OPCML: variants seen among roughly 807,000 people sequenced by gnomAD.
OPCML encodes opioid-binding protein/cell adhesion molecule.
In OPCML, 13 loss-of-function variants were observed where a neutral mutation model predicts 37.8. The observed-to-expected ratio is 0.34, with a 90% CI of 0.22 to 0.55. The LOEUF (loss-of-function observed/expected upper bound fraction) is 0.55. Among genes scored for constraint, OPCML ranks in the 20% least tolerant of loss-of-function variants. The pLI is 0.91. For synonymous variants in OPCML, 176 were observed against 168.8 expected (o/e 1.04, Z -0.33); for missense variants, 341 against 435.6 (o/e 0.78, Z 1.93).
At chr11:133,000,319 G>A (rs888097271) in intron 1 of OPCML, among the ~76,000 whole-genome samples, 4 of 152,084 alleles carry the variant, frequency 2.6e-5, no homozygotes, top group African/African-American at 9.7e-5. Flanking sequence ...TTCCATGTTG[G>A]CCAGGCTGAT....
rs536896710 is a variant in OPCML at position 132,618,071 on chromosome 11, G to T, written c.379+39016C>A. Among the ~76,000 whole-genome samples, 15 of 152,278 alleles carry T rather than the reference G, an allele frequency of 9.9e-5. No individual in the cohort carries two copies. In the East Asian group the frequency reaches 2.3e-3, roughly 24 times the overall value. ...AGTTGTTGGGGATGTGGGAGGGGGC[G>T]AAGAGCTAGGTTATATGCAGTTATT... On this transcript the variant is annotated intron_variant, in intron 3 of 7. Transcript: ENST00000524381.
At chr11:133,397,223 G>C (rs770879125) in intron 1 of OPCML, among the ~76,000 whole-genome samples, 9 of 152,228 alleles carry the variant, frequency 5.9e-5, no homozygotes, top group Non-Finnish European at 1.0e-4. Context: ...TCTTCCAAGA[G>C]AATGGTCTAT....
At chr11:132,857,809 T>C (rs1942119606) in intron 2 of OPCML, among the ~76,000 whole-genome samples, 1 of 152,224 alleles carries the variant, frequency 6.6e-6, no homozygotes. Flanking sequence ...AGTTTTAGTT[T>C]GTCATGTGGA....
chr11:133,080,329 A>C (rs554123909), intron 1 of OPCML, among the ~76,000 whole-genome samples: 161 of 152,234 alleles, frequency 1.1e-3, no homozygotes, highest in Admixed American at 3.8e-3. Flanking sequence ...TTTGATTTTC[A>C]ACAAGCTCTC....
At chr11:133,040,294 C>A (rs934423780) in intron 1 of OPCML, among the ~76,000 whole-genome samples, 5 of 152,142 alleles carry the variant, frequency 3.3e-5, no homozygotes, top group Non-Finnish European at 7.4e-5. Context: ...TTCTCAAGCT[C>A]ACTCCTAACA....
At chr11:132,612,612 GA>G (rs144371809) in intron 3 of OPCML, among the ~76,000 whole-genome samples, 160 of 152,126 alleles carry the variant, frequency 1.1e-3, no homozygotes, top group African/African-American at 3.8e-3. Context: ...ATGCTAGCAA[GA>G]AAAAAATGGG....
At chr11:132,678,204 C>T (rs186318980) in intron 2 of OPCML, among the ~76,000 whole-genome samples, 1 of 152,290 alleles carries the variant, frequency 6.6e-6, no homozygotes, top group African/African-American at 2.4e-5. Context: ...TACCACTACA[C>T]ACCTATTAAC....
intron 3 of OPCML, among the ~76,000 whole-genome samples, chr11:132,642,331 T>G (rs1940896720): frequency 6.6e-6 from 1 of 152,320 alleles, no homozygotes; most frequent in African/African-American, 2.4e-5. Context: ...ATCTTGAACA[T>G]GAGATTATAA....
chr11:132,686,705 T>C (rs951762336), intron 2 of OPCML, among the ~76,000 whole-genome samples: 2 of 152,210 alleles, frequency 1.3e-5, no homozygotes, highest in African/African-American at 2.4e-5. Flanking sequence ...AGCTGTCCAT[T>C]GACCCTAGGT....
intron 1 of OPCML, among the ~76,000 whole-genome samples, chr11:133,064,337 G>A (rs1380825153): frequency 6.6e-6 from 1 of 152,236 alleles, no homozygotes; most frequent in African/African-American, 2.4e-5. Context: ...ACCGCAACCC[G>A]CCTGGCCGCC....
At chr11:133,376,323 C>G (rs1944803266) in intron 1 of OPCML, among the ~76,000 whole-genome samples, 1 of 152,010 alleles carries the variant, frequency 6.6e-6, no homozygotes, top group Non-Finnish European at 1.5e-5. Context: ...TTTACACAAA[C>G]ATGATAGCAA....
At chr11:132,723,009 G>C (rs571562069) in intron 2 of OPCML, among the ~76,000 whole-genome samples, 1 of 152,312 alleles carries the variant, frequency 6.6e-6, no homozygotes, top group South Asian at 2.1e-4. Flanking sequence ...ATATTCTGGA[G>C]CTGCCTCTGC....
chr11:133,506,330 C>A (rs561361036), intron 1 of OPCML, among the ~76,000 whole-genome samples: 3 of 152,194 alleles, frequency 2.0e-5, no homozygotes, highest in Non-Finnish European at 4.4e-5. Context: ...CTCCCCAGAG[C>A]CCTGAGAGGG....
chr11:133,191,190 A>G (rs1386007150), intron 1 of OPCML, among the ~76,000 whole-genome samples: 1 of 152,100 alleles, frequency 6.6e-6, no homozygotes, highest in African/African-American at 2.4e-5. Context: ...GTGATATCTC[A>G]TTATGACTTT....
intron 1 of OPCML, among the ~76,000 whole-genome samples, chr11:132,967,435 T>C (rs1442075373): frequency 6.6e-6 from 1 of 152,148 alleles, no homozygotes; most frequent in African/African-American, 2.4e-5. Flanking sequence ...AACAAGTATC[T>C]ATTTATAGAG....
chr11:132,717,111 T>C (rs1944521993), intron 2 of OPCML, among the ~76,000 whole-genome samples: 2 of 152,160 alleles, frequency 1.3e-5, no homozygotes, highest in African/African-American at 2.4e-5. Flanking sequence ...AATAGTACTG[T>C]ACAAGGATGG....
At position 133,532,109 on chromosome 11, in the gene OPCML, G is replaced by A. The variant is rs116098038; in HGVS notation, c.61+155C>T. 4.0e-3 allele frequency: 2,886 copies of A among 725,764 alleles called. 72 individuals are homozygous for A. The African/African-American group carries it at 0.05, about 13-fold the overall frequency. 45.0% of individuals were successfully genotyped at this position (725,764 alleles called of 1,614,324 possible). A position where few individuals can be genotyped will look rare whatever the true frequency, so the allele number is the denominator to read the frequency against. ...TGTGAGCGAGTGAGTGTGTGTGTGC[G>A]TGCACACAGCAAGCCTACCTCTTTC... On this transcript the variant is annotated intron_variant, in intron 1 of 7. Transcript: ENST00000524381.
intron 3 of OPCML, among the ~76,000 whole-genome samples, chr11:132,537,807 A>G (rs80062303): frequency 0.042 from 6,414 of 152,272 alleles, 443 homozygotes; most frequent in African/African-American, 0.14. Context: ...ATAAGCACAT[A>G]AGAAGATGTT....
intron 4 of OPCML, chr11:132,525,849 T>A (rs527972740): frequency 6.6e-6 from 1 of 152,372 alleles, no homozygotes; most frequent in Admixed American, 6.5e-5. Flanking sequence ...CAGAGAAGAT[T>A]AGCATGGCCC....
Sources: allele counts gnomAD v4.1 joint callset (sites outside exome capture counted in the v4.1 genomes callset), GRCh38; gene constraint gnomAD v4.1.1; transcripts MANE v1.5; gene names NCBI Gene and HGNC (gene_info 2026-07-23, HGNC 2026-07-21).